The following GALNT17 variants were observed in gnomAD, a reference collection of about 807,000 sequenced individuals.
The protein encoded by GALNT17 is polypeptide N-acetylgalactosaminyltransferase 17, also known as UDP-GalNAc:polypeptide N-acetylgalactosaminyltransferase-like 3.
Under a neutral mutation model 63.7 loss-of-function variants are expected in GALNT17, and 29 were observed. The ratio of observed to expected loss-of-function variants is 0.46; its 90% CI spans 0.34 to 0.62. The LOEUF is 0.62. Among genes scored for constraint, GALNT17 ranks in the 20% least tolerant of loss-of-function variants. The probability of loss-of-function intolerance (pLI) is 0.01; values close to 1 mark genes in which losing one functional copy is unlikely to be tolerated. For missense variants in GALNT17, 603 were observed against 799.6 expected (o/e 0.75, Z 2.97); for synonymous variants, 305 against 318.3 (o/e 0.96, Z 0.45).
rs554744272 is a variant in GALNT17 at position 71,167,093 on chromosome 7, C to T, written c.238+34053C>T. On this transcript the variant is annotated intron_variant, in intron 1 of 10. Transcript: ENST00000333538. The stretch of plus-strand genomic sequence containing the variant: ...GGAGAGACAGGGTCTCTCTGTGTTG[C>T]CCAGGCTGTTCTCAAACTCCTGGCC... Among the ~76,000 whole-genome samples, 23 of 141,468 alleles carry T rather than the reference C, an allele frequency of 1.6e-4. No homozygotes were observed. The East Asian group carries it at 4.2e-3, about 26-fold the overall frequency. 92.8% of individuals were successfully genotyped at this position (141,468 alleles called of 152,430 possible).
intron 3 of GALNT17, among the ~76,000 whole-genome samples, chr7:71,415,380 T>C (rs1310803443): frequency 6.6e-6 from 1 of 152,198 alleles, no homozygotes; most frequent in Non-Finnish European, 1.5e-5. Flanking sequence ...ATGAAGCACT[T>C]TGCCACCTGC....
At chr7:71,644,546 A>AAAAAAAAC (rs1790648470) in intron 6 of GALNT17, among the ~76,000 whole-genome samples, 5 of 100,222 alleles carry the variant, frequency 5.0e-5, no homozygotes, top group African/African-American at 1.3e-4. Flanking sequence ...AAAAAAAAAA[A>AAAAAAAAC]AAACAAAAGA....
chr7:71,646,747 CTTTTT>C (rs60956531), intron 6 of GALNT17, among the ~76,000 whole-genome samples: 1 of 128,110 alleles, frequency 7.8e-6, no homozygotes. Context: ...TCCAAGTTTC[CTTTTT>C]TTTTTTTTTT....
chr7:71,342,963 T>G (rs535943840), intron 2 of GALNT17, among the ~76,000 whole-genome samples: 1 of 152,248 alleles, frequency 6.6e-6, no homozygotes, highest in South Asian at 2.1e-4. Context: ...TTGAATGATA[T>G]GATCACATTT....
At chr7:71,555,817 T>A (rs1789154960) in intron 5 of GALNT17, among the ~76,000 whole-genome samples, 1 of 152,248 alleles carries the variant, frequency 6.6e-6, no homozygotes, top group South Asian at 2.1e-4. Context: ...ACCGGTCTGC[T>A]GTCCTTAATA....
At position 71,656,021 on chromosome 7, in the gene GALNT17, C is replaced by T. The variant is rs76151511; in HGVS notation, c.1081-9390C>T. On this transcript the variant is annotated intron_variant, in intron 6 of 10. Transcript: ENST00000333538. ...CCTAGGCCCCCTCTCCAGACAATTT[C>T]GCTGCTTACTCCCTCCAGCCCCTCT... 2.3e-3 allele frequency among the ~76,000 whole-genome samples: 356 copies of T among 152,230 alleles called. 1 individual carries two copies. The highest frequency in any genetic ancestry group is 3.1e-3 in the African/African-American group (128 of 41,546).
intron 1 of GALNT17, among the ~76,000 whole-genome samples, chr7:71,232,636 C>T (rs1789813442): frequency 6.6e-6 from 1 of 152,144 alleles, no homozygotes; most frequent in African/African-American, 2.4e-5. Flanking sequence ...TTTATGGAGG[C>T]ATTAGTGTTA....
chr7:71,476,615 G>A (rs2116629333), intron 5 of GALNT17, among the ~76,000 whole-genome samples: 1 of 152,268 alleles, frequency 6.6e-6, no homozygotes, highest in Middle Eastern at 3.4e-3. Context: ...GTTTTCAAGG[G>A]GGTAGGTGGA....
At chr7:71,157,813 G>A (rs1788265371) in intron 1 of GALNT17, among the ~76,000 whole-genome samples, 1 of 151,216 alleles carries the variant, frequency 6.6e-6, no homozygotes, top group African/African-American at 2.5e-5. Flanking sequence ...GTAATCACTA[G>A]TCTACTCTCT....
chr7:71,289,654 C>T (rs569562832), intron 1 of GALNT17, among the ~76,000 whole-genome samples: 62 of 152,028 alleles, frequency 4.1e-4, no homozygotes, highest in African/African-American at 1.2e-3. Flanking sequence ...CCGAGGCAGG[C>T]GGTTGACCTG....
chr7:71,544,122 T>C (rs1249533850), intron 5 of GALNT17, among the ~76,000 whole-genome samples: 2 of 61,796 alleles, frequency 3.2e-5, no homozygotes, highest in African/African-American at 1.2e-4. Context: ...GATTTCTTTT[T>C]TCTTTTTTTT....
At chr7:71,265,214 C>T (rs1160413501) in intron 1 of GALNT17, among the ~76,000 whole-genome samples, 1 of 145,716 alleles carries the variant, frequency 6.9e-6, no homozygotes, top group Non-Finnish European at 1.5e-5. Flanking sequence ...GCAACCTCCG[C>T]CTCCTGGGTT....
chr7:71,679,777 G>C (rs1254899636), intron 9 of GALNT17, among the ~76,000 whole-genome samples: 2 of 152,006 alleles, frequency 1.3e-5, no homozygotes, highest in African/African-American at 2.4e-5. Context: ...TCGTCCCCAA[G>C]GCTGCGACAA....
In GALNT17 at chr7:71,511,993, T is replaced by C. The variant is rs1023483243; in HGVS notation, c.963-59292T>C. Among the ~76,000 whole-genome samples, 6 of 150,394 alleles carry C rather than the reference T, an allele frequency of 4.0e-5. No homozygotes were observed. The Middle Eastern group carries it at 0.01, about 258-fold the overall frequency. ...AGTCTCAACACTAACCCTATGTCAATGTACTAATTTGGGTTCCAGCCTTTT... is the reference window on the plus strand; with the variant it reads ...AGTCTCAACACTAACCCTATGTCAACGTACTAATTTGGGTTCCAGCCTTTT... On this transcript the variant is annotated intron_variant, in intron 5 of 10. Coordinates refer to ENST00000333538, the MANE Select transcript of GALNT17 (RefSeq NM_022479.3).
At chr7:71,333,342 A>G (rs1791839799) in intron 1 of GALNT17, among the ~76,000 whole-genome samples, 1 of 152,140 alleles carries the variant, frequency 6.6e-6, no homozygotes, top group Non-Finnish European at 1.5e-5. Flanking sequence ...TCATTCTTTT[A>G]TATTGCCCAA....
chr7:71,421,133 A>G (rs1786657041), intron 5 of GALNT17, 28 bp downstream of exon 5: 3 of 1,612,300 alleles, frequency 1.9e-6, no homozygotes, highest in South Asian at 1.1e-5. Context: ...CCTGGCGGCC[A>G]ACGAGCCCCC....
intron 1 of GALNT17, among the ~76,000 whole-genome samples, chr7:71,147,452 A>G (rs749742480): frequency 1.3e-5 from 2 of 152,136 alleles, no homozygotes; most frequent in African/African-American, 2.4e-5. Context: ...GTGCCCATCC[A>G]AATTAAGGGT....
intron 5 of GALNT17, among the ~76,000 whole-genome samples, chr7:71,508,788 C>T (rs1277488602): frequency 1.3e-5 from 2 of 152,162 alleles, no homozygotes; most frequent in Non-Finnish European, 2.9e-5. Flanking sequence ...CAGTGACAGA[C>T]TTCACACCCA....
At chr7:71,307,334 G>A (rs1409348746) in intron 1 of GALNT17, among the ~76,000 whole-genome samples, 1 of 151,938 alleles carries the variant, frequency 6.6e-6, no homozygotes, top group Non-Finnish European at 1.5e-5. Flanking sequence ...CATTTTAATG[G>A]GTGTGAGGTG....
Sources: gnomAD v4.1 joint callset for allele counts (sites outside exome capture counted in the v4.1 genomes callset) on GRCh38, gnomAD v4.1.1 for gene constraint, MANE v1.5 for transcripts, NCBI Gene and HGNC (gene_info 2026-07-23, HGNC 2026-07-21) for gene names.